Variants in SEMA4D observed in about 807,000 individuals in gnomAD.
The protein encoded by SEMA4D is semaphorin-4D.
Under a neutral mutation model 74.8 loss-of-function variants are expected in SEMA4D, and 22 were observed. The observed-to-expected ratio is 0.29, with a 90% CI of 0.21 to 0.42. The LOEUF (loss-of-function observed/expected upper bound fraction) is 0.42, where lower values mean the gene tolerates loss of function less well. SEMA4D is among the 10% of genes least tolerant of loss of function. The pLI, the probability that SEMA4D is intolerant of heterozygous loss-of-function variation, is 1.00. For missense variants in SEMA4D, 937 were observed against 1,118.4 expected, an observed-to-expected ratio of 0.84 and a Z score of 2.31; for synonymous variants, 445 against 463.7, an observed-to-expected ratio of 0.96 and a Z score of 0.52.
chr9:89,433,440 G>A (rs1849712233), intron 2 of SEMA4D, among the ~76,000 whole-genome samples: 1 of 152,180 alleles, frequency 6.6e-6, no homozygotes, highest in Non-Finnish European at 1.5e-5. Context: ...CAGCAGAGAG[G>A]GGCTCCCATG....
intron 1 of SEMA4D, chr9:89,497,280 C>G (rs1473203004): frequency 6.6e-6 from 1 of 152,378 alleles, no homozygotes; most frequent in East Asian, 1.9e-4. Context: ...CTGGGCTGTT[C>G]TAGAATAATG....
intron 13 of SEMA4D, among the ~76,000 whole-genome samples, chr9:89,383,865 C>T (rs1362778169): frequency 2.6e-5 from 4 of 152,188 alleles, no homozygotes; most frequent in Non-Finnish European, 4.4e-5. Flanking sequence ...TCCTGCCCCT[C>T]GACGCCCCCT....
rs905769968 is a variant in SEMA4D at position 89,498,096 on chromosome 9, G to C, written c.-487C>G. On this transcript the variant is annotated 5_prime_UTR_variant, in exon 1 of 16. Coordinates refer to ENST00000422704, the MANE Select transcript of SEMA4D (RefSeq NM_001371194.2). ...TGCGGCGCGCGAGAGCGCTGAGGCCGGCGCGGGGACGGAGTGCGCGGGGCG... is the reference window on the plus strand; with the variant it reads ...TGCGGCGCGCGAGAGCGCTGAGGCCCGCGCGGGGACGGAGTGCGCGGGGCG... 1.3e-5 allele frequency: 2 copies of C among 149,524 alleles called. No individual in the cohort carries two copies. The highest frequency in any genetic ancestry group is 3.0e-5 in the Non-Finnish European group (2 of 66,618). The allele number at this position is 149,524 out of a possible 1,614,324, so 9.3% of individuals were successfully genotyped here. A position where few individuals can be genotyped will look rare whatever the true frequency, so the allele number is the denominator to read the frequency against.
chr9:89,393,989 C>T (rs1045096169), intron 6 of SEMA4D, among the ~76,000 whole-genome samples: 13 of 152,204 alleles, frequency 8.5e-5, no homozygotes, highest in African/African-American at 3.1e-4. Flanking sequence ...CAACACAGGA[C>T]GTGCTCAGTA....
chr9:89,495,238 C>A (rs1335797019), intron 1 of SEMA4D, among the ~76,000 whole-genome samples: 1 of 152,090 alleles, frequency 6.6e-6, no homozygotes, highest in Admixed American at 6.5e-5. Context: ...GCTGTGACAC[C>A]CCCAGCTAAA....
At chr9:89,462,632 G>A (rs1857518398) in intron 1 of SEMA4D, among the ~76,000 whole-genome samples, 1 of 151,714 alleles carries the variant, frequency 6.6e-6, no homozygotes, top group Non-Finnish European at 1.5e-5. Context: ...ACAACAACAA[G>A]CCAACAACAC....
chr9:89,450,533 C>G lies in SEMA4D; in HGVS notation c.-244+5355G>C, dbSNP rs185465351. 2.1e-4 allele frequency: 246 copies of G among 1,148,766 alleles called. 1 individual carries two copies. The African/African-American group carries it at 3.5e-3, about 16-fold the overall frequency. 71.2% of individuals were successfully genotyped at this position (1,148,766 alleles called of 1,614,324 possible). On this transcript the variant is annotated intron_variant, in intron 2 of 15. Transcript: ENST00000422704. Reference sequence around the variant, plus strand: ...CCCAGTTTAAATTTACAGTTCTGCTCCTGCCCAATGGCCCCATGCAGATAA... The same window carrying G: ...CCCAGTTTAAATTTACAGTTCTGCTGCTGCCCAATGGCCCCATGCAGATAA...
At chr9:89,405,749 T>C in intron 2 of SEMA4D, 50 bp from the exon 3 acceptor site, 1 of 1,370,584 alleles carries the variant, frequency 7.3e-7, no homozygotes, top group Non-Finnish European at 9.4e-7. Context: ...AGTGATGACC[T>C]GCTTCTCACT....
intron 13 of SEMA4D, chr9:89,385,905 T>C (rs1007481158): frequency 1.7e-5 from 9 of 527,492 alleles, no homozygotes; most frequent in African/African-American, 2.8e-5. Context: ...CTTGGGAGTA[T>C]TGCAGGCCAG....
intron 2 of SEMA4D, among the ~76,000 whole-genome samples, chr9:89,447,605 C>T (rs1459134390): frequency 6.6e-6 from 1 of 152,184 alleles, no homozygotes; most frequent in Admixed American, 6.5e-5. Flanking sequence ...CATTGCTGCA[C>T]CGTGCCCACA....
intron 6 of SEMA4D, 123 bp downstream of exon 6, chr9:89,396,614 T>C (rs773569525): frequency 2.4e-6 from 2 of 822,000 alleles, no homozygotes; most frequent in African/African-American, 1.7e-5. Context: ...TTTCTGCAGC[T>C]GGCTCTGAGA....
At chr9:89,442,337 T>C (rs1851857650) in intron 2 of SEMA4D, among the ~76,000 whole-genome samples, 1 of 152,224 alleles carries the variant, frequency 6.6e-6, no homozygotes, top group African/African-American at 2.4e-5. Flanking sequence ...AGGAGGGAGC[T>C]ACCTGCTCTT....
intron 2 of SEMA4D, among the ~76,000 whole-genome samples, chr9:89,435,541 G>A (rs756210811): frequency 1.3e-5 from 2 of 152,106 alleles, no homozygotes; most frequent in Non-Finnish European, 2.9e-5. Context: ...CAGACTCCCA[G>A]GGCTCTCTGA....
chr9:89,434,972 A>G (rs566322789), intron 2 of SEMA4D, among the ~76,000 whole-genome samples: 1 of 152,072 alleles, frequency 6.6e-6, no homozygotes, highest in Non-Finnish European at 1.5e-5. Context: ...CTGAATTTTT[A>G]GGTGAAGCCT....
intron 16 of SEMA4D, among the ~76,000 whole-genome samples, chr9:89,369,870 G>C (rs764371243): frequency 4.2e-4 from 64 of 152,230 alleles, no homozygotes; most frequent in Non-Finnish European, 8.2e-4. Flanking sequence ...TCAACAATGT[G>C]TGTGTGTGTG....
At chr9:89,496,815 C>A (rs1484187328) in intron 1 of SEMA4D, among the ~76,000 whole-genome samples, 3 of 152,170 alleles carry the variant, frequency 2.0e-5, no homozygotes, top group African/African-American at 7.2e-5. Flanking sequence ...AGGTGACAGG[C>A]CACTGGTGTC....
At chr9:89,468,714 G>A (rs1277548561) in intron 1 of SEMA4D, among the ~76,000 whole-genome samples, 7 of 152,126 alleles carry the variant, frequency 4.6e-5, no homozygotes, top group South Asian at 2.1e-4. Flanking sequence ...TGGTGGCTGC[G>A]GGTTTCTTCT....
chr9:89,441,656 C>A (rs189753842), intron 2 of SEMA4D, among the ~76,000 whole-genome samples: 498 of 152,322 alleles, frequency 3.3e-3, no homozygotes, highest in Admixed American at 6.6e-3. Context: ...CTCCTCAGGG[C>A]TCCTGGGACC....
At chr9:89,435,320 G>C (rs1227163641) in intron 2 of SEMA4D, among the ~76,000 whole-genome samples, 1 of 152,200 alleles carries the variant, frequency 6.6e-6, no homozygotes, top group Non-Finnish European at 1.5e-5. Flanking sequence ...GAGCCATTCA[G>C]ATGCAAATTT....
Sources: allele counts gnomAD v4.1 joint callset (sites outside exome capture counted in the v4.1 genomes callset), GRCh38; gene constraint gnomAD v4.1.1; transcripts MANE v1.5; gene names NCBI Gene and HGNC (gene_info 2026-07-23, HGNC 2026-07-21).